ACAD11: variants seen among roughly 807,000 people sequenced by gnomAD.
ACAD11 encodes the protein acyl-Coenzyme A dehydrogenase family, member 11.
Under a neutral mutation model 102.2 loss-of-function variants are expected in ACAD11, and 83 were observed. The ratio of observed to expected loss-of-function variants is 0.81; its 90% CI spans 0.68 to 0.97. The LOEUF (loss-of-function observed/expected upper bound fraction) is 0.97, where lower values mean the gene tolerates loss of function less well. ACAD11 is among the 50% of genes least tolerant of loss of function. The pLI, the probability that ACAD11 is intolerant of heterozygous loss-of-function variation, is 0.00. For synonymous variants in ACAD11, 324 were observed against 319.8 expected (o/e 1.01, Z -0.14); for missense variants, 901 against 951.7 (o/e 0.95, Z 0.70).
chr3:132,559,715 T>C lies in ACAD11; in HGVS notation c.2228+118A>G. On this transcript the variant is annotated intron_variant, in intron 19 of 19. Transcript: ENST00000264990. Reference sequence around the variant, plus strand: ...TGAGCTCTATATTAATGTATATCACTTCATTTAGCCTTCAATTACACTGAA... The same window carrying C: ...TGAGCTCTATATTAATGTATATCACCTCATTTAGCCTTCAATTACACTGAA... 6.7e-6 allele frequency: 5 copies of C among 746,150 alleles called. No homozygotes were observed. The South Asian group carries it at 9.2e-5, about 14-fold the overall frequency. The allele number at this position is 746,150 out of a possible 1,614,324, so 46.2% of individuals were successfully genotyped here.
intron 11 of ACAD11, among the ~76,000 whole-genome samples, chr3:132,612,314 G>A (rs138358007): frequency 0.028 from 4,200 of 152,052 alleles, 248 homozygotes; most frequent in African/African-American, 0.096. Context: ...CATAGGTATG[G>A]GCAAGGACTT....
intron 1 of ACAD11, among the ~76,000 whole-genome samples, chr3:132,658,483 T>A (rs545589781): frequency 6.6e-6 from 1 of 152,218 alleles, no homozygotes; most frequent in Admixed American, 6.5e-5. Flanking sequence ...AACGTTACTA[T>A]CTCCTTTTTG....
chr3:132,628,482 A>T, intron 7 of ACAD11, 36 bp from the exon 8 acceptor site: 1 of 1,440,758 alleles, frequency 6.9e-7, no homozygotes, highest in East Asian at 2.3e-5. Context: ...AATTCATTGA[A>T]AACCGTCCTT....
At chr3:132,625,018 T>G (rs908618759) in intron 9 of ACAD11, among the ~76,000 whole-genome samples, 2 of 152,158 alleles carry the variant, frequency 1.3e-5, no homozygotes, top group African/African-American at 4.8e-5. Flanking sequence ...TGCAGCCTTC[T>G]GCCTGGGGGC....
intron 11 of ACAD11, among the ~76,000 whole-genome samples, chr3:132,614,639 T>G (rs1214424380): frequency 6.6e-6 from 1 of 152,176 alleles, no homozygotes; most frequent in Non-Finnish European, 1.5e-5. Context: ...AAGCTGAAAC[T>G]GGATGCCTTC....
At chr3:132,654,224 C>T (rs961893122) in intron 1 of ACAD11, among the ~76,000 whole-genome samples, 5 of 152,152 alleles carry the variant, frequency 3.3e-5, no homozygotes, top group African/African-American at 1.2e-4. Context: ...TGCTTAATGA[C>T]AGGGATGTGT....
At position 132,581,169 on chromosome 3, in the gene ACAD11, G is replaced by C. The variant is rs764745472; in HGVS notation, c.1622-1611C>G. On this transcript the variant is annotated intron_variant, in intron 13 of 19. Transcript: ENST00000264990. The stretch of plus-strand genomic sequence containing the variant: ...ATAAAACAAGCCAACTAAAAGGACC[G>C]AGGATTAGTCTGGCATCAGACTTCT... 9.9e-5 allele frequency among the ~76,000 whole-genome samples: 15 copies of C among 152,016 alleles called. No individual in the cohort carries two copies. The South Asian group carries it at 1.0e-3, about 11-fold the overall frequency.
At chr3:132,568,453 T>G (rs926315905) in intron 17 of ACAD11, among the ~76,000 whole-genome samples, 1 of 152,152 alleles carries the variant, frequency 6.6e-6, no homozygotes, top group Non-Finnish European at 1.5e-5. Flanking sequence ...AAACTCCACA[T>G]AGTAAAGATA....
At chr3:132,626,363 A>G (rs1231044439) in intron 9 of ACAD11, among the ~76,000 whole-genome samples, 1 of 151,882 alleles carries the variant, frequency 6.6e-6, no homozygotes, top group Non-Finnish European at 1.5e-5. Context: ...TACACTTCTC[A>G]TTAAATTCTC....
rs1432706127 is a variant in ACAD11, at chr3:132,564,193, G to A, written c.2002-2976C>T. Among the ~76,000 whole-genome samples the A allele has an allele frequency of 3.9e-5, 6 of 152,142 alleles. No homozygotes were observed. The South Asian group carries it at 8.3e-4, about 21-fold the overall frequency. On this transcript the variant is annotated intron_variant, in intron 17 of 19. Coordinates refer to ENST00000264990, the MANE Select transcript of ACAD11 (RefSeq NM_032169.5). The stretch of plus-strand genomic sequence containing the variant: ...TTTACATACTGCCAGATTCTATTCG[G>A]TAATACTTTGCTGGTGGTTTTTGCA...
chr3:132,627,032 T>C (rs1939845069), intron 8 of ACAD11: 3 of 424,382 alleles, frequency 7.1e-6, no homozygotes, highest in Non-Finnish European at 1.3e-5. Flanking sequence ...TAAAGCACTA[T>C]TTGGGGAAAA....
intron 9 of ACAD11, chr3:132,621,335 T>A (rs1159166263): frequency 6.6e-6 from 1 of 152,176 alleles, no homozygotes; most frequent in Non-Finnish European, 1.5e-5. Context: ...AGATTACTGA[T>A]AATTAAACAA....
intron 1 of ACAD11, chr3:132,647,498 A>G (rs1940759528): frequency 6.6e-6 from 1 of 152,178 alleles, no homozygotes; most frequent in African/African-American, 2.4e-5. Flanking sequence ...TAAACAGACA[A>G]TCTCACGAGA....
chr3:132,631,693 T>C (rs1576606584), intron 5 of ACAD11, among the ~76,000 whole-genome samples: 1 of 152,218 alleles, frequency 6.6e-6, no homozygotes, highest in East Asian at 1.9e-4. Flanking sequence ...CCATCAGTCC[T>C]TCTCATTTTA....
At chr3:132,610,680 T>C (rs903326876) in intron 11 of ACAD11, among the ~76,000 whole-genome samples, 61 of 152,178 alleles carry the variant, frequency 4.0e-4, no homozygotes, top group Middle Eastern at 3.4e-3. Flanking sequence ...CAGGAAGAAG[T>C]TGAATCTCTG....
intron 5 of ACAD11, among the ~76,000 whole-genome samples, chr3:132,636,914 G>A (rs1940296245): frequency 1.3e-5 from 2 of 152,142 alleles, no homozygotes; most frequent in South Asian, 4.2e-4. Context: ...CATGCTGAGA[G>A]TGGGAACCGA....
At chr3:132,614,896 G>GA (rs1939340021) in intron 11 of ACAD11, among the ~76,000 whole-genome samples, 1 of 152,114 alleles carries the variant, frequency 6.6e-6, no homozygotes, top group African/African-American at 2.4e-5. Context: ...GCCACCTACA[G>GA]AATGGGAGAA....
intron 9 of ACAD11, among the ~76,000 whole-genome samples, chr3:132,625,624 C>G (rs1251909699): frequency 6.6e-6 from 1 of 152,036 alleles, no homozygotes. Context: ...AGAAATTATA[C>G]CCTATTCTGT....
chr3:132,581,600 T>C (rs1937598724), intron 13 of ACAD11, among the ~76,000 whole-genome samples: 1 of 151,872 alleles, frequency 6.6e-6, no homozygotes, highest in Admixed American at 6.6e-5. Flanking sequence ...GGGAAGGAGA[T>C]ATTATAAAAG....
Sources: allele counts gnomAD v4.1 joint callset (sites outside exome capture counted in the v4.1 genomes callset), GRCh38; gene constraint gnomAD v4.1.1; transcripts MANE v1.5; gene names NCBI Gene and HGNC (gene_info 2026-07-23, HGNC 2026-07-21).